Variants in PKNOX1 observed in about 807,000 individuals in gnomAD.
PKNOX1 encodes the protein homeobox protein PKNOX1.
A neutral mutation model predicts 51.9 loss-of-function variants in PKNOX1; 15 were observed. That is an observed-to-expected ratio of 0.29 (90% confidence interval 0.19 to 0.45). The LOEUF is 0.45. Among genes scored for constraint, PKNOX1 ranks in the 20% least tolerant of loss-of-function variants. The pLI, the probability that PKNOX1 is intolerant of heterozygous loss-of-function variation, is 1.00. For missense variants in PKNOX1, 462 were observed against 547.5 expected (o/e 0.84, Z 1.56); for synonymous variants, 219 against 211.1 (o/e 1.04, Z -0.32).
At chr21:43,019,626 T>A (rs1979666687) in intron 7 of PKNOX1, among the ~76,000 whole-genome samples, 1 of 150,992 alleles carries the variant, frequency 6.6e-6, no homozygotes, top group African/African-American at 2.4e-5. Context: ...CACTGCAACC[T>A]CCACCTCCCA....
At chr21:43,028,463 C>G (rs1231523174) in intron 9 of PKNOX1, among the ~76,000 whole-genome samples, 4 of 149,462 alleles carry the variant, frequency 2.7e-5, no homozygotes, top group Admixed American at 2.7e-4. Context: ...AAAAAAAATG[C>G]CATGGACGAG....
At chr21:43,001,093 C>A (rs548294380) in intron 1 of PKNOX1, among the ~76,000 whole-genome samples, 1 of 152,110 alleles carries the variant, frequency 6.6e-6, no homozygotes, top group Admixed American at 6.6e-5. Flanking sequence ...ATGGTCAAGG[C>A]GGAGTCCTGT....
intron 1 of PKNOX1, among the ~76,000 whole-genome samples, chr21:42,980,452 C>G (rs750278653): frequency 6.6e-6 from 1 of 152,058 alleles, no homozygotes; most frequent in Non-Finnish European, 1.5e-5. Flanking sequence ...ATCCTATTTG[C>G]GGCTTACACT....
At chr21:43,005,178 C>T (rs1000082680) in intron 2 of PKNOX1, among the ~76,000 whole-genome samples, 1 of 152,158 alleles carries the variant, frequency 6.6e-6, no homozygotes. Flanking sequence ...GGGATTTGGC[C>T]CTGCCCTTTA....
chr21:42,986,201 T>C (rs534742866), intron 1 of PKNOX1, among the ~76,000 whole-genome samples: 2 of 152,014 alleles, frequency 1.3e-5, no homozygotes, highest in East Asian at 3.9e-4. Context: ...CGCCAAACCT[T>C]GTTTGAAAAA....
chr21:43,029,218 C>A (rs1468167216), intron 10 of PKNOX1, among the ~76,000 whole-genome samples: 1 of 152,018 alleles, frequency 6.6e-6, no homozygotes. Context: ...AGGGACTTAC[C>A]CCGTTCTCAC....
chr21:42,975,932 AG>A (rs2058994772), intron 1 of PKNOX1, among the ~76,000 whole-genome samples: 1 of 152,278 alleles, frequency 6.6e-6, no homozygotes, highest in Admixed American at 6.5e-5. Context: ...TCTAAACATA[AG>A]GAAGAATCGA....
At chr21:43,005,431 G>GTTT (rs11390731) in intron 2 of PKNOX1, among the ~76,000 whole-genome samples, 1 of 150,294 alleles carries the variant, frequency 6.7e-6, no homozygotes, top group African/African-American at 2.4e-5. Context: ...TGGTGTTAGT[G>GTTT]TTTTTTTTTC....
chr21:42,997,288 C>T (rs1361003055), intron 1 of PKNOX1, among the ~76,000 whole-genome samples: 1 of 152,176 alleles, frequency 6.6e-6, no homozygotes, highest in East Asian at 1.9e-4. Context: ...TAGTGCTATG[C>T]GTCAGCAGAC....
At chr21:43,016,079 C>T (rs1034006244) in intron 5 of PKNOX1, among the ~76,000 whole-genome samples, 1 of 152,204 alleles carries the variant, frequency 6.6e-6, no homozygotes, top group Non-Finnish European at 1.5e-5. Flanking sequence ...AGCCACTAAG[C>T]TTACACATTC....
At chr21:43,026,960 A>G (rs954370292) in intron 9 of PKNOX1, among the ~76,000 whole-genome samples, 1 of 152,140 alleles carries the variant, frequency 6.6e-6, no homozygotes, top group African/African-American at 2.4e-5. Context: ...TTGGACTTTT[A>G]AAATTAAGCA....
intron 1 of PKNOX1, among the ~76,000 whole-genome samples, chr21:42,981,963 C>T (rs1406996401): frequency 6.6e-6 from 1 of 152,168 alleles, no homozygotes; most frequent in African/African-American, 2.4e-5. Flanking sequence ...AGTTCTGCAC[C>T]AGGGCTCTTG....
chr21:43,009,138 A>C (rs1979128805), intron 3 of PKNOX1, among the ~76,000 whole-genome samples: 1 of 152,226 alleles, frequency 6.6e-6, no homozygotes, highest in South Asian at 2.1e-4. Context: ...AAAATGGCGA[A>C]ATGTTGTCTC....
intron 1 of PKNOX1, among the ~76,000 whole-genome samples, chr21:42,997,289 G>A (rs933467158): frequency 6.6e-6 from 1 of 152,184 alleles, no homozygotes; most frequent in African/African-American, 2.4e-5. Context: ...AGTGCTATGC[G>A]TCAGCAGACG....
At chr21:42,987,401 A>AT (rs2059058303) in intron 1 of PKNOX1, among the ~76,000 whole-genome samples, 35 of 97,448 alleles carry the variant, frequency 3.6e-4, no homozygotes, top group South Asian at 1.2e-3. Flanking sequence ...AAAAAAAAAA[A>AT]AAAATATATA....
At chr21:42,980,521 A>G (rs944455824) in intron 1 of PKNOX1, among the ~76,000 whole-genome samples, 3 of 152,264 alleles carry the variant, frequency 2.0e-5, no homozygotes, top group Admixed American at 2.0e-4. Context: ...TGAAACTGCT[A>G]AAGTGATGCA....
intron 1 of PKNOX1, among the ~76,000 whole-genome samples, chr21:42,980,257 C>T (rs1423998927): frequency 6.6e-6 from 1 of 151,974 alleles, no homozygotes; most frequent in Non-Finnish European, 1.5e-5. Context: ...CCTGTATCCC[C>T]AGCTACTCGG....
chr21:42,991,394 T>G (rs900956743), intron 1 of PKNOX1, among the ~76,000 whole-genome samples: 1 of 151,704 alleles, frequency 6.6e-6, no homozygotes, highest in Non-Finnish European at 1.5e-5. Flanking sequence ...AGTTGGTGGC[T>G]TAACTATACA....
At chr21:43,008,061 T>TCTCACA (rs59792199) in intron 3 of PKNOX1, among the ~76,000 whole-genome samples, 3,402 of 146,818 alleles carry the variant, frequency 0.023, 59 homozygotes, top group Middle Eastern at 0.068. Flanking sequence ...CAAAACTCTG[T>TCTCACA]CACACACACA....
Sources: gnomAD v4.1 joint callset for allele counts (sites outside exome capture counted in the v4.1 genomes callset) on GRCh38, gnomAD v4.1.1 for gene constraint, MANE v1.5 for transcripts, NCBI Gene and HGNC (gene_info 2026-07-23, HGNC 2026-07-21) for gene names.